The following IMMP2L variants were observed in gnomAD, a reference collection of about 807,000 sequenced individuals.
The protein encoded by IMMP2L is inner mitochondrial membrane peptidase subunit 2.
IMMP2L carries 18 observed loss-of-function variants against 19.3 expected under a neutral mutation model. The observed-to-expected ratio is 0.93, with a 90% CI of 0.64 to 1.38. The LOEUF (loss-of-function observed/expected upper bound fraction) is 1.38, where lower values mean the gene tolerates loss of function less well. Among genes scored for constraint, IMMP2L ranks in the 40% most tolerant of loss-of-function variants. The pLI is 0.00. For missense variants in IMMP2L, 233 were observed against 218.2 expected (o/e 1.07, Z -0.43); for synonymous variants, 76 against 73.0 (o/e 1.04, Z -0.21).
chr7:111,201,490 C>A (rs1810114595), intron 3 of IMMP2L, among the ~76,000 whole-genome samples: 1 of 151,844 alleles, frequency 6.6e-6, no homozygotes, highest in Non-Finnish European at 1.5e-5. Flanking sequence ...CTGAGGGGGG[C>A]AGACTGCTTG....
chr7:111,229,371 A>G (rs1231280344), intron 3 of IMMP2L, among the ~76,000 whole-genome samples: 1 of 152,104 alleles, frequency 6.6e-6, no homozygotes, highest in African/African-American at 2.4e-5. Flanking sequence ...ATCATGATAC[A>G]TGATAAAAGT....
chr7:110,905,747 A>G (rs1812381165), intron 4 of IMMP2L, among the ~76,000 whole-genome samples: 1 of 152,160 alleles, frequency 6.6e-6, no homozygotes, highest in Admixed American at 6.5e-5. Context: ...ACAATTAGAA[A>G]TCCTCTCATT....
chr7:111,372,305 A>G (rs1830325002), intron 3 of IMMP2L, among the ~76,000 whole-genome samples: 1 of 152,094 alleles, frequency 6.6e-6, no homozygotes, highest in South Asian at 2.1e-4. Flanking sequence ...AAAAAAATAC[A>G]AAACACAACA....
At chr7:110,829,868 A>T (rs1803810402) in intron 5 of IMMP2L, among the ~76,000 whole-genome samples, 1 of 152,150 alleles carries the variant, frequency 6.6e-6, no homozygotes, top group African/African-American at 2.4e-5. Flanking sequence ...AATCTGTGGG[A>T]GGCCTCCCAA....
At chr7:111,403,644 G>A (rs951755028) in intron 3 of IMMP2L, among the ~76,000 whole-genome samples, 1 of 152,016 alleles carries the variant, frequency 6.6e-6, no homozygotes, top group Non-Finnish European at 1.5e-5. Context: ...TATTACACAT[G>A]AAGAATCACA....
At chr7:111,259,438 C>T (rs1817072891) in intron 3 of IMMP2L, among the ~76,000 whole-genome samples, 1 of 152,064 alleles carries the variant, frequency 6.6e-6, no homozygotes, top group Admixed American at 6.6e-5. Flanking sequence ...AATTTTAGAC[C>T]AGCCTGGGTA....
chr7:110,893,497 A>G (rs147757143), intron 4 of IMMP2L, among the ~76,000 whole-genome samples: 3 of 152,216 alleles, frequency 2.0e-5, no homozygotes, highest in Non-Finnish European at 4.4e-5. Context: ...GTATACTACT[A>G]TATGAATGTA....
intron 5 of IMMP2L, among the ~76,000 whole-genome samples, chr7:110,677,231 A>C (rs1406673326): frequency 1.3e-5 from 2 of 152,208 alleles, no homozygotes; most frequent in African/African-American, 4.8e-5. Flanking sequence ...TGCATGGTTT[A>C]AGTAAATCAA....
chr7:110,955,028 C>A (rs147616373), intron 4 of IMMP2L, among the ~76,000 whole-genome samples: 1 of 151,856 alleles, frequency 6.6e-6, no homozygotes, highest in Admixed American at 6.6e-5. Flanking sequence ...ACAAATAATG[C>A]GTTTTTTAAT....
chr7:111,158,477 T>C (rs554330127), intron 3 of IMMP2L, among the ~76,000 whole-genome samples: 30 of 152,230 alleles, frequency 2.0e-4, no homozygotes, highest in African/African-American at 6.5e-4. Context: ...CTTGAGGTAA[T>C]GATGTGCTCT....
At chr7:110,818,065 T>G (rs1211317376) in intron 5 of IMMP2L, among the ~76,000 whole-genome samples, 2 of 152,136 alleles carry the variant, frequency 1.3e-5, no homozygotes, top group East Asian at 3.9e-4. Context: ...AAGGACTTCA[T>G]GTCTAAAACA....
intron 3 of IMMP2L, among the ~76,000 whole-genome samples, chr7:111,030,623 G>A (rs1790659457): frequency 6.6e-6 from 1 of 152,022 alleles, no homozygotes; most frequent in Non-Finnish European, 1.5e-5. Context: ...TTCCTTTGTA[G>A]TAGAGGTGAG....
intron 3 of IMMP2L, among the ~76,000 whole-genome samples, chr7:111,037,378 T>C (rs1791454364): frequency 6.6e-6 from 1 of 152,112 alleles, no homozygotes; most frequent in Non-Finnish European, 1.5e-5. Flanking sequence ...AGTGGAAAAG[T>C]AAACATAATA....
At chr7:111,391,636 A>C (rs1019182614) in intron 3 of IMMP2L, among the ~76,000 whole-genome samples, 2 of 152,184 alleles carry the variant, frequency 1.3e-5, no homozygotes, top group Non-Finnish European at 2.9e-5. Flanking sequence ...CTGCACTTTT[A>C]AATAACCCAA....
chr7:111,522,425 T>C (rs1457221355), intron 1 of IMMP2L, among the ~76,000 whole-genome samples: 1 of 151,970 alleles, frequency 6.6e-6, no homozygotes, highest in Non-Finnish European at 1.5e-5. Context: ...AAGAGGCTAA[T>C]ATCCAAAAAC....
At chr7:110,864,358 G>T (rs1263648833) in intron 5 of IMMP2L, among the ~76,000 whole-genome samples, 1 of 152,012 alleles carries the variant, frequency 6.6e-6, no homozygotes, top group Non-Finnish European at 1.5e-5. Flanking sequence ...CAGTTGGTAT[G>T]AATGTGTTCA....
Position 110,902,479 on chromosome 7 carries a change from A to AATAT in IMMP2L, c.306-15788_306-15785dup, listed in dbSNP as rs67367468. On this transcript the variant is annotated intron_variant, in intron 4 of 5. Coordinates refer to ENST00000405709, the MANE Select transcript of IMMP2L (RefSeq NM_032549.4). ...AATATAAATATGTCATGAATGATAAAATATATATATATATATATATATAGT... is the reference window on the plus strand; with the variant it reads ...AATATAAATATGTCATGAATGATAAAATATATATATATATATATATATATATAGT... 2.2e-3 allele frequency among the ~76,000 whole-genome samples: 311 copies of AATAT among 140,544 alleles called. 1 individual carries two copies. Among genetic ancestry groups the AATAT allele is most frequent in the African/African-American group, 5.9e-3 (219 of 37,012 alleles). 92.2% of individuals were successfully genotyped at this position (140,544 alleles called of 152,430 possible). A position where few individuals can be genotyped will look rare whatever the true frequency, so the allele number is the denominator to read the frequency against.
intron 4 of IMMP2L, among the ~76,000 whole-genome samples, chr7:110,950,467 T>C (rs1817676403): frequency 2.0e-5 from 3 of 152,070 alleles, no homozygotes; most frequent in African/African-American, 4.8e-5. Flanking sequence ...CAGGGTACAC[T>C]GTTGGTTAGA....
intron 3 of IMMP2L, among the ~76,000 whole-genome samples, chr7:111,384,272 G>C (rs1010529674): frequency 5.4e-5 from 8 of 149,264 alleles, no homozygotes; most frequent in Admixed American, 1.3e-4. Flanking sequence ...AAAGGAGAGA[G>C]GAGAAAGGAG....
Sources: gnomAD v4.1 joint callset for allele counts (sites outside exome capture counted in the v4.1 genomes callset) on GRCh38, gnomAD v4.1.1 for gene constraint, MANE v1.5 for transcripts, NCBI Gene and HGNC (gene_info 2026-07-23, HGNC 2026-07-21) for gene names.